The following CPNE4 variants were observed in gnomAD, a reference collection of about 807,000 sequenced individuals.
CPNE4 encodes the protein copine 4.
CPNE4 carries 25 observed loss-of-function variants against 67.9 expected under a neutral mutation model. That is an observed-to-expected ratio of 0.37 (90% confidence interval 0.27 to 0.51). The LOEUF (loss-of-function observed/expected upper bound fraction) is 0.51, where lower values mean the gene tolerates loss of function less well. Ranked by LOEUF, CPNE4 falls within the 20% of genes least tolerant of loss-of-function variation. The probability of loss-of-function intolerance (pLI) is 0.93; values close to 1 mark genes in which losing one functional copy is unlikely to be tolerated. For synonymous variants in CPNE4, 242 were observed against 244.9 expected, an observed-to-expected ratio of 0.99 and a Z score of 0.11; for missense variants, 464 against 690.8, an observed-to-expected ratio of 0.67 and a Z score of 3.68.
chr3:131,978,066 TAA>T (rs1288474533), intron 1 of CPNE4, among the ~76,000 whole-genome samples: 24 of 36,038 alleles, frequency 6.7e-4, no homozygotes, highest in African/African-American at 2.6e-3. Flanking sequence ...TAAATATATA[TAA>T]ATATATATAA....
chr3:131,825,778 T>C (rs1207246368), intron 2 of CPNE4, among the ~76,000 whole-genome samples: 2 of 152,242 alleles, frequency 1.3e-5, no homozygotes, highest in Admixed American at 1.3e-4. Context: ...CTGAACATTC[T>C]GAGTTGCCTC....
At chr3:131,742,751 C>G (rs1027004501) in intron 2 of CPNE4, among the ~76,000 whole-genome samples, 9 of 151,888 alleles carry the variant, frequency 5.9e-5, no homozygotes, top group African/African-American at 2.2e-4. Flanking sequence ...AATTTAAAAA[C>G]AAAATTCCTA....
At chr3:131,643,641 G>A (rs2079591247) in intron 7 of CPNE4, among the ~76,000 whole-genome samples, 1 of 152,164 alleles carries the variant, frequency 6.6e-6, no homozygotes, top group Non-Finnish European at 1.5e-5. Context: ...GATATAGTTT[G>A]GCTGTGTTGC....
chr3:131,675,984 T>A (rs2107664784), intron 6 of CPNE4, among the ~76,000 whole-genome samples: 1 of 150,288 alleles, frequency 6.7e-6, no homozygotes, highest in Admixed American at 6.6e-5. Context: ...TCTGTTGTTT[T>A]TCAATTTGAG....
chr3:131,829,438 C>A (rs759786772), intron 2 of CPNE4, among the ~76,000 whole-genome samples: 2 of 152,198 alleles, frequency 1.3e-5, no homozygotes, highest in Admixed American at 6.5e-5. Flanking sequence ...TCTAAACATA[C>A]CTTATCATCA....
Position 131,575,056 on chromosome 3 carries a change from A to G in CPNE4, c.927+15T>C, listed in dbSNP as rs762845903. 8 of 1,609,786 alleles carry G rather than the reference A, an allele frequency of 5.0e-6. No individual in the cohort carries two copies. Among genetic ancestry groups the G allele is most frequent in the African/African-American group, 1.3e-5 (1 of 74,814 alleles). On this transcript the variant is annotated intron_variant, in intron 10 of 15. Coordinates refer to ENST00000429747, the MANE Select transcript of CPNE4 (RefSeq NM_130808.3). ...CCTGAATAAGAATCAAGGAATCAACATGAAAACAACTTACTGTAAACTGGA... is the reference window on the plus strand; with the variant it reads ...CCTGAATAAGAATCAAGGAATCAACGTGAAAACAACTTACTGTAAACTGGA...
At chr3:131,918,551 A>G (rs2070643486) in intron 1 of CPNE4, among the ~76,000 whole-genome samples, 2 of 152,204 alleles carry the variant, frequency 1.3e-5, no homozygotes, top group African/African-American at 4.8e-5. Flanking sequence ...AGAAGCTGAC[A>G]ATCATACCGG....
At chr3:131,815,723 C>A (rs987509825) in intron 2 of CPNE4, among the ~76,000 whole-genome samples, 2 of 152,020 alleles carry the variant, frequency 1.3e-5, no homozygotes, top group African/African-American at 2.4e-5. Context: ...TCCTAAAGAA[C>A]TATCTGAAAA....
At chr3:131,903,680 G>A (rs1177408176) in intron 2 of CPNE4, among the ~76,000 whole-genome samples, 1 of 152,018 alleles carries the variant, frequency 6.6e-6, no homozygotes, top group Non-Finnish European at 1.5e-5. Flanking sequence ...CCATTTCCTT[G>A]CCTGTAAAAT....
At chr3:131,542,353 C>T (rs13072125) in intron 15 of CPNE4, among the ~76,000 whole-genome samples, 3 of 151,934 alleles carry the variant, frequency 2.0e-5, no homozygotes, top group African/African-American at 7.3e-5. Flanking sequence ...GAGTCATGCT[C>T]TATATATCCT....
At chr3:131,644,613 AG>A (rs1002670292) in intron 7 of CPNE4, among the ~76,000 whole-genome samples, 1 of 152,236 alleles carries the variant, frequency 6.6e-6, no homozygotes, top group African/African-American at 2.4e-5. Flanking sequence ...TTATACAAGA[AG>A]GGGCCATACA....
intron 2 of CPNE4, among the ~76,000 whole-genome samples, chr3:131,791,195 T>C (rs933964379): frequency 6.6e-6 from 1 of 152,168 alleles, no homozygotes; most frequent in Admixed American, 6.5e-5. Context: ...CTCAAGTACA[T>C]TCCTATTTTT....
intron 2 of CPNE4, among the ~76,000 whole-genome samples, chr3:131,736,675 G>A (rs1340872192): frequency 6.6e-6 from 1 of 152,048 alleles, no homozygotes; most frequent in South Asian, 2.1e-4. Context: ...AAGCATGGTG[G>A]GGTGGACACC....
chr3:131,973,421 G>T (rs539455071), intron 1 of CPNE4, among the ~76,000 whole-genome samples: 1 of 152,242 alleles, frequency 6.6e-6, no homozygotes, highest in Non-Finnish European at 1.5e-5. Flanking sequence ...TGATGATGAT[G>T]ATATCTGATA....
intron 2 of CPNE4, among the ~76,000 whole-genome samples, chr3:131,840,559 T>C (rs548719463): frequency 5.7e-4 from 87 of 152,304 alleles, no homozygotes; most frequent in African/African-American, 1.9e-3. Flanking sequence ...AGTTGCTAAC[T>C]TCAGATGAGA....
intron 7 of CPNE4, among the ~76,000 whole-genome samples, chr3:131,622,357 G>T (rs1940520828): frequency 6.6e-6 from 1 of 152,154 alleles, no homozygotes; most frequent in South Asian, 2.1e-4. Flanking sequence ...ACTTAAGTTT[G>T]CTCAGTTATC....
At position 131,870,827 on chromosome 3, in the gene CPNE4, G is replaced by A. The variant is rs550739824; in HGVS notation, c.180+34437C>T. On this transcript the variant is annotated intron_variant, in intron 2 of 15. Coordinates refer to ENST00000429747, the MANE Select transcript of CPNE4 (RefSeq NM_130808.3). ...TAGCACACTAAGCCACATTAGAGAC[G>A]CACATAGAGCCACTGTCTGGTGGGG... Among the ~76,000 whole-genome samples the A allele has an allele frequency of 1.1e-4, 16 of 152,258 alleles. No individual in the cohort carries two copies. The Middle Eastern group carries it at 0.01, about 97-fold the overall frequency.
rs779381971 is a variant in CPNE4 at position 131,723,494 on chromosome 3, C to A, written c.312G>T (p.Gly104=). 6.2e-7 allele frequency: 1 copy of A among 1,613,670 alleles called. No homozygotes were observed. Among genetic ancestry groups the A allele is most frequent in the Non-Finnish European group, 8.5e-7 (1 of 1,180,026 alleles). The change falls in exon 3 of 16, where the codon GGG becomes GGT. Residue 104 remains glycine (G), a synonymous_variant. Transcript: ENST00000429747. Reference sequence around the variant, plus strand: ...CACCAAGGAAGTCGGCCTCCTTCAGCCCATTGTGGTTGCTGCTGATGTCAT... The same window carrying A: ...CACCAAGGAAGTCGGCCTCCTTCAGACCATTGTGGTTGCTGCTGATGTCAT... The part of the protein sequence containing the change: ...EVHDISSNHN[G]LKEADFLGGM...
At chr3:131,656,931 G>A (rs1167598003) in intron 7 of CPNE4, among the ~76,000 whole-genome samples, 1 of 152,130 alleles carries the variant, frequency 6.6e-6, no homozygotes, top group Admixed American at 6.5e-5. Flanking sequence ...CATATATCAG[G>A]ATCTTCTAGA....
Sources: gnomAD v4.1 joint callset for allele counts (sites outside exome capture counted in the v4.1 genomes callset) on GRCh38, gnomAD v4.1.1 for gene constraint, MANE v1.5 for transcripts, NCBI Gene and HGNC (gene_info 2026-07-23, HGNC 2026-07-21) for gene names.